PPIP5K2: variants seen among roughly 807,000 people sequenced by gnomAD.
PPIP5K2 encodes inositol hexakisphosphate and diphosphoinositol-pentakisphosphate kinase 2.
A neutral mutation model predicts 154.6 loss-of-function variants in PPIP5K2; 105 were observed. The ratio of observed to expected loss-of-function variants is 0.68; its 90% confidence interval spans 0.58 to 0.80. The LOEUF (loss-of-function observed/expected upper bound fraction) is 0.80, where lower values mean the gene tolerates loss of function less well. Ranked by LOEUF, PPIP5K2 falls within the 30% of genes least tolerant of loss-of-function variation. The probability of loss-of-function intolerance (pLI) is 0.00; values close to 1 mark genes in which losing one functional copy is unlikely to be tolerated. For missense variants in PPIP5K2, 992 were observed against 1,504.6 expected, an observed-to-expected ratio of 0.66 and a Z score of 5.64; for synonymous variants, 480 against 490.3, an observed-to-expected ratio of 0.98 and a Z score of 0.28.
intron 6 of PPIP5K2, among the ~76,000 whole-genome samples, chr5:103,147,353 G>C (rs1001403132): frequency 6.6e-6 from 1 of 151,950 alleles, no homozygotes; most frequent in African/African-American, 2.4e-5. Flanking sequence ...AAACAAGGAT[G>C]TAGAACAGTG....
chr5:103,173,708 A>G lies in PPIP5K2; in HGVS notation c.2415-150A>G, dbSNP rs562975199. On this transcript the variant is annotated intron_variant, in intron 20 of 30. Transcript: ENST00000358359. ...TCATGTTAGAAGAATATATACTAAG[A>G]TAAATTCTCTATTGTGGTTGGAAGA... The G allele has an allele frequency of 4.7e-5, 30 of 635,292 alleles. No individual in the cohort carries two copies. In the East Asian group the frequency reaches 8.1e-4, roughly 17 times the overall value. The allele number at this position is 635,292 out of a possible 1,614,324, so 39.4% of individuals were successfully genotyped here. A position where few individuals can be genotyped will look rare whatever the true frequency, so the allele number is the denominator to read the frequency against.
Position 103,158,501 on chromosome 5 carries a change from C to T in PPIP5K2, c.1665C>T (p.Thr555=). 1.2e-6 allele frequency: 2 copies of T among 1,612,926 alleles called. No individual in the cohort carries two copies. Among genetic ancestry groups the T allele is most frequent in the East Asian group, 2.2e-5 (1 of 44,864 alleles). The change falls in exon 16 of 31, where the codon ACC becomes ACT. Residue 555 remains threonine, a synonymous_variant. Coordinates refer to ENST00000358359, the MANE Select transcript of PPIP5K2 (RefSeq NM_001276277.3). The part of the protein sequence containing the change: ...PGCGLLRLHS[T]YRHDLKIYAS... ...GTGGTTTACTTAGATTACATAGCAC[C>T]TACAGACATGACCTCAAAATATATG... is the stretch of plus-strand genomic sequence containing the variant.
intron 5 of PPIP5K2, among the ~76,000 whole-genome samples, chr5:103,142,789 A>AC (rs1201369961): frequency 6.6e-6 from 1 of 151,804 alleles, no homozygotes; most frequent in Non-Finnish European, 1.5e-5. Flanking sequence ...AAAAAAAAAA[A>AC]AATTCAAGAA....
intron 30 of PPIP5K2, among the ~76,000 whole-genome samples, chr5:103,197,274 GAATT>G (rs1379971068): frequency 2.0e-5 from 3 of 151,952 alleles, no homozygotes; most frequent in Non-Finnish European, 4.4e-5. Flanking sequence ...ATGTTTGATA[GAATT>G]AATTTTATAT....
At chr5:103,167,147 A>T in intron 17 of PPIP5K2, 32 bp from the exon 18 acceptor site, 1 of 1,445,590 alleles carries the variant, frequency 6.9e-7, no homozygotes, top group Non-Finnish European at 9.2e-7. Flanking sequence ...AGGCATAACC[A>T]GATATAAAAT....
At chr5:103,191,036 A>G in intron 29 of PPIP5K2, 54 bp downstream of exon 29, 4 of 1,517,396 alleles carry the variant, frequency 2.6e-6, no homozygotes, top group Non-Finnish European at 3.6e-6. Context: ...ACTACATACT[A>G]TCTGAGTATA....
At chr5:103,174,862 G>A (rs76111705) in intron 21 of PPIP5K2, among the ~76,000 whole-genome samples, 257 of 152,080 alleles carry the variant, frequency 1.7e-3, no homozygotes, top group African/African-American at 5.9e-3. Flanking sequence ...CTTTGGAAAA[G>A]ACAAAATCTG....
At chr5:103,138,609 A>G in intron 5 of PPIP5K2, 140 bp downstream of exon 5, 2 of 489,894 alleles carry the variant, frequency 4.1e-6, no homozygotes, top group Non-Finnish European at 7.2e-6. Context: ...AAACAGACAA[A>G]CATATTCAAT....
chr5:103,144,038 T>C (rs1407332219), intron 5 of PPIP5K2, among the ~76,000 whole-genome samples: 1 of 152,126 alleles, frequency 6.6e-6, no homozygotes, highest in Non-Finnish European at 1.5e-5. Flanking sequence ...TAGAAAATCC[T>C]AGAGTCTTTA....
intron 14 of PPIP5K2, among the ~76,000 whole-genome samples, chr5:103,156,948 C>T (rs1795507256): frequency 6.6e-6 from 1 of 152,018 alleles, no homozygotes; most frequent in South Asian, 2.1e-4. Flanking sequence ...ATATATTGCT[C>T]TTATCACATT....
chr5:103,173,364 A>T, intron 20 of PPIP5K2, 82 bp downstream of exon 20: 1 of 1,446,986 alleles, frequency 6.9e-7, no homozygotes. Flanking sequence ...TGATGGTCCT[A>T]TGAAGTCAGA....
At chr5:103,157,713 A>C (rs1007384871) in intron 14 of PPIP5K2, among the ~76,000 whole-genome samples, 1 of 151,658 alleles carries the variant, frequency 6.6e-6, no homozygotes, top group South Asian at 2.1e-4. Flanking sequence ...AAAAAAAAAA[A>C]CAAAAAAATA....
intron 19 of PPIP5K2, 88 bp downstream of exon 19, chr5:103,168,383 C>T: frequency 9.7e-7 from 1 of 1,025,984 alleles, no homozygotes; most frequent in Admixed American, 2.4e-5. Flanking sequence ...AGTTGGTTTT[C>T]ATGTCCTTGG....
intron 18 of PPIP5K2, 27 bp downstream of exon 18, chr5:103,167,347 A>G (rs1554218237): frequency 6.7e-7 from 1 of 1,497,490 alleles, no homozygotes. Context: ...TAGAGCATAG[A>G]ACAAATAAAA....
intron 27 of PPIP5K2, 115 bp from the exon 28 acceptor site, chr5:103,187,199 C>A (rs1580425822): frequency 2.9e-6 from 2 of 697,030 alleles, no homozygotes; most frequent in East Asian, 5.6e-5. Flanking sequence ...CTCTCATTGT[C>A]CCTTCTGCAT....
At chr5:103,125,793 C>T (rs111270801) in intron 1 of PPIP5K2, among the ~76,000 whole-genome samples, 9 of 152,156 alleles carry the variant, frequency 5.9e-5, no homozygotes, top group South Asian at 4.2e-4. Flanking sequence ...GCCACCATGC[C>T]GGGCTAATTT....
intron 29 of PPIP5K2, among the ~76,000 whole-genome samples, chr5:103,192,334 A>C (rs1244862833): frequency 6.6e-6 from 1 of 152,108 alleles, no homozygotes; most frequent in Admixed American, 6.6e-5. Flanking sequence ...TGAAGGTGGT[A>C]ATCTCCTTTT....
intron 1 of PPIP5K2, among the ~76,000 whole-genome samples, chr5:103,122,476 C>T (rs188194133): frequency 6.3e-4 from 96 of 152,132 alleles, no homozygotes; most frequent in Admixed American, 1.3e-3. Flanking sequence ...ATTAAATGAA[C>T]GTTTGAAGAA....
At chr5:103,135,084 G>T (rs1791249643) in intron 3 of PPIP5K2, among the ~76,000 whole-genome samples, 1 of 152,092 alleles carries the variant, frequency 6.6e-6, no homozygotes, top group South Asian at 2.1e-4. Flanking sequence ...GAATACTAAA[G>T]TTATGTATGC....
Sources: gnomAD v4.1 joint callset for allele counts (sites outside exome capture counted in the v4.1 genomes callset) on GRCh38, gnomAD v4.1.1 for gene constraint, MANE v1.5 for transcripts, NCBI Gene and HGNC (gene_info 2026-07-23, HGNC 2026-07-21) for gene names.